Variants in ADAMTS16 observed in about 807,000 individuals in gnomAD.
ADAMTS16 encodes the protein ADAM metallopeptidase with thrombospondin type 1 motif 16.
A neutral mutation model predicts 145.8 loss-of-function variants in ADAMTS16; 94 were observed. The ratio of observed to expected loss-of-function variants is 0.64; its 90% CI spans 0.55 to 0.77. ADAMTS16 has a LOEUF of 0.77. ADAMTS16 is among the 30% of genes least tolerant of loss of function. The probability of loss-of-function intolerance (pLI) is 0.00; values close to 1 mark genes in which losing one functional copy is unlikely to be tolerated. For synonymous variants in ADAMTS16, 659 were observed against 604.3 expected (o/e 1.09, Z -1.33); for missense variants, 1,585 against 1,591.5 (o/e 1.00, Z 0.07).
rs1380790843 is a variant in ADAMTS16, at chr5:5,259,326, C to A, written c.2663-3331C>A. ...ACCACTCAGGCTTCTGCAGATTCCA[C>A]TTCTGCTCTCATCTCCAACACAAGG... On this transcript the variant is annotated intron_variant, in intron 17 of 22. Coordinates refer to ENST00000274181, the MANE Select transcript of ADAMTS16 (RefSeq NM_139056.4). 2.3e-4 allele frequency among the ~76,000 whole-genome samples: 35 copies of A among 152,212 alleles called. 1 individual carries two copies. The highest frequency in any genetic ancestry group is 2.3e-3 in the Admixed American group (35 of 15,292).
At position 5,270,461 on chromosome 5, in the gene ADAMTS16, G is replaced by C. The variant is rs1738424233; in HGVS notation, c.2789+7678G>C. Among the ~76,000 whole-genome samples, 6 of 152,284 alleles carry C rather than the reference G, an allele frequency of 3.9e-5. No individual in the cohort carries two copies. The South Asian group carries it at 8.3e-4, about 21-fold the overall frequency. On this transcript the variant is annotated intron_variant, in intron 18 of 22. Coordinates refer to ENST00000274181, the MANE Select transcript of ADAMTS16 (RefSeq NM_139056.4). ...CTCCTGTCTCCTAGGATAAGGTGAG[G>C]ATTCCACGTAAATGCTCTCAGGTGT...
At chr5:5,175,736 G>T (rs755343773) in intron 3 of ADAMTS16, among the ~76,000 whole-genome samples, 2 of 152,148 alleles carry the variant, frequency 1.3e-5, no homozygotes, top group African/African-American at 4.8e-5. Flanking sequence ...TAAATGTTCC[G>T]TCTGTGGGTG....
Position 5,239,888 on chromosome 5 carries a change from T to C in ADAMTS16, c.2486T>C (p.Ile829Thr). The C allele has an allele frequency of 6.2e-7, 1 of 1,614,116 alleles. No homozygotes were observed. The highest frequency in any genetic ancestry group is 1.3e-5 in the African/African-American group (1 of 75,010). Reference sequence around the variant, plus strand: ...TCCTATAATGAGCCCGAGAACTTAATCGCTACTGGACCAACCAACGAGACA... The same window carrying C: ...TCCTATAATGAGCCCGAGAACTTAACCGCTACTGGACCAACCAACGAGACA... ...RRSYNEPENL[I>T]ATGPTNETLI... Residue 829 changes from isoleucine (I) to threonine (T), a missense_variant, in exon 16 of 23, where the codon ATC becomes ACC. Physicochemically the swap from Ile to Thr is moderately conservative, Grantham distance 89 (BLOSUM62 -1). Coordinates refer to ENST00000274181, the MANE Select transcript of ADAMTS16 (RefSeq NM_139056.4).
At chr5:5,218,270 A>T (rs542005616) in intron 10 of ADAMTS16, among the ~76,000 whole-genome samples, 6 of 152,156 alleles carry the variant, frequency 3.9e-5, no homozygotes, top group Non-Finnish European at 8.8e-5. Flanking sequence ...ATGGTTGCAC[A>T]TATTTATGGG....
Position 5,182,131 on chromosome 5 carries a change from G to C in ADAMTS16, c.589G>C (p.Gly197Arg). The C allele has an allele frequency of 1.9e-6, 3 of 1,614,086 alleles. No individual in the cohort carries two copies. The highest frequency in any genetic ancestry group is 2.5e-6 in the Non-Finnish European group (3 of 1,180,016). The change falls in exon 4 of 23, where the codon GGC (glycine) becomes CGC (arginine). Residue 197 changes from glycine (G) to arginine (R), a missense_variant. By Grantham distance (125) the Gly-to-Arg change is moderately radical. This residue lies in a region of ADAMTS16 where 453 missense variants were observed against 412.1 expected (regional missense o/e 1.10). Coordinates refer to ENST00000274181, the MANE Select transcript of ADAMTS16 (RefSeq NM_139056.4). The part of the protein sequence containing the change: ...LSWKLGRAAQ[G>R]SSPSHVLYKR... ...ATGGAAACTCGGCAGAGCTGCCCAAGGCAGCTCGCCATCCCACGTACTGTA... is the reference window on the plus strand; with the variant it reads ...ATGGAAACTCGGCAGAGCTGCCCAACGCAGCTCGCCATCCCACGTACTGTA...
chr5:5,142,611 A>C (rs1216578001), intron 2 of ADAMTS16, among the ~76,000 whole-genome samples: 2 of 152,328 alleles, frequency 1.3e-5, no homozygotes, highest in Non-Finnish European at 2.9e-5. Context: ...TGCTGGGGTC[A>C]ACTTACTGTT....
At position 5,207,283 on chromosome 5, in the gene ADAMTS16, T is replaced by C. The variant is rs75332432; in HGVS notation, c.1452-1810T>C. 7.0e-3 allele frequency among the ~76,000 whole-genome samples: 1,073 copies of C among 152,336 alleles called. 14 individuals are homozygous for C. The highest frequency in any genetic ancestry group is 0.025 in the African/African-American group (1,040 of 41,572). ...ACATATTTTGCTACATTTATATCTG[T>C]TTCATTTTTGGTTGCTAATATAAAT... On this transcript the variant is annotated intron_variant, in intron 9 of 22. Coordinates refer to ENST00000274181, the MANE Select transcript of ADAMTS16 (RefSeq NM_139056.4).
chr5:5,252,564 G>C (rs919679604), intron 17 of ADAMTS16, among the ~76,000 whole-genome samples: 1 of 152,008 alleles, frequency 6.6e-6, no homozygotes, highest in East Asian at 1.9e-4. Context: ...TTAGCGGACC[G>C]CCCCCCTCAT....
Position 5,306,748 on chromosome 5 carries a change from C to G in ADAMTS16, c.3411+20C>G. On this transcript the variant is annotated intron_variant, in intron 21 of 22. Transcript: ENST00000274181. ...TCTCAGGTAGGGGAGGCCCTCGGTT[C>G]CTGGAGAGTGGGCGAGCACAGCTTG... is the stretch of plus-strand genomic sequence containing the variant. The G allele has an allele frequency of 6.3e-7, 1 of 1,578,218 alleles. No homozygotes were observed. The highest frequency in any genetic ancestry group is 8.6e-7 in the Non-Finnish European group (1 of 1,160,152).
At chr5:5,259,510 G>A (rs570048351) in intron 17 of ADAMTS16, among the ~76,000 whole-genome samples, 1 of 152,356 alleles carries the variant, frequency 6.6e-6, no homozygotes, top group South Asian at 2.1e-4. Context: ...CAGAAACACA[G>A]TATGTGGTTT....
intron 11 of ADAMTS16, among the ~76,000 whole-genome samples, chr5:5,227,745 T>G (rs1398945134): frequency 3.3e-5 from 5 of 152,228 alleles, no homozygotes; most frequent in African/African-American, 4.8e-5. Context: ...TTTTGGTGTT[T>G]CCTTTGCCAT....
intron 18 of ADAMTS16, among the ~76,000 whole-genome samples, chr5:5,276,500 CA>C (rs1169856219): frequency 2.0e-5 from 3 of 152,196 alleles, no homozygotes; most frequent in Admixed American, 6.5e-5. Context: ...GGAATTTATA[CA>C]AAGAGCGAAG....
chr5:5,143,976 T>C (rs1734230306), intron 2 of ADAMTS16, among the ~76,000 whole-genome samples: 2 of 144,154 alleles, frequency 1.4e-5, no homozygotes, highest in Non-Finnish European at 3.0e-5. Flanking sequence ...ACCGGGCTTG[T>C]TGGGGGGTGA....
intron 18 of ADAMTS16, among the ~76,000 whole-genome samples, chr5:5,291,998 A>T (rs1739340615): frequency 6.6e-6 from 1 of 152,230 alleles, no homozygotes; most frequent in Admixed American, 6.5e-5. Context: ...AGTTTCACAG[A>T]GGCATTGATG....
chr5:5,277,146 C>T (rs13178690), intron 18 of ADAMTS16, among the ~76,000 whole-genome samples: 94,568 of 152,142 alleles, frequency 0.62, 30,170 homozygotes, highest in Middle Eastern at 0.72. Flanking sequence ...CTCCCCCTTA[C>T]GCTGTCTCCC....
chr5:5,195,143 A>G (rs974763690), intron 8 of ADAMTS16, among the ~76,000 whole-genome samples: 1 of 151,926 alleles, frequency 6.6e-6, no homozygotes, highest in Non-Finnish European at 1.5e-5. Context: ...TTTGTGTTGG[A>G]AAGAGAGGAG....
chr5:5,163,478 A>G (rs1272191049), intron 3 of ADAMTS16, among the ~76,000 whole-genome samples: 1 of 152,216 alleles, frequency 6.6e-6, no homozygotes, highest in African/African-American at 2.4e-5. Flanking sequence ...CATATATACA[A>G]CTGGGGCTGG....
In ADAMTS16 at chr5:5,186,182, C is replaced by T. The variant is rs768862940; in HGVS notation, c.894C>T (p.Val298=). Reference sequence around the variant, plus strand: ...TGAACGTGGAGACCTTGGTGGTGGTCGACAAAAAGATGATGCAAAACCATG... The same window carrying T: ...TGAACGTGGAGACCTTGGTGGTGGTTGACAAAAAGATGATGCAAAACCATG... The part of the protein sequence containing the change: ...EELNVETLVV[V]DKKMMQNHGH... Residue 298 remains valine, a synonymous_variant, in exon 5 of 23, where the codon GTC becomes GTT. Coordinates refer to ENST00000274181, the MANE Select transcript of ADAMTS16 (RefSeq NM_139056.4). 30 of 1,613,712 alleles carry T rather than the reference C, an allele frequency of 1.9e-5. No individual in the cohort carries two copies. The highest frequency in any genetic ancestry group is 1.6e-4 in the Middle Eastern group (1 of 6,084).
At chr5:5,275,026 C>A (rs1197284011) in intron 18 of ADAMTS16, among the ~76,000 whole-genome samples, 1 of 152,188 alleles carries the variant, frequency 6.6e-6, no homozygotes, top group Non-Finnish European at 1.5e-5. Context: ...GAATAGATAG[C>A]TTGCATTACA....
Sources: gnomAD v4.1 joint callset for allele counts (sites outside exome capture counted in the v4.1 genomes callset) on GRCh38, gnomAD v4.1.1 for gene constraint, gnomAD v4.1.1 regional missense constraint, MANE v1.5 for transcripts, NCBI Gene and HGNC (gene_info 2026-07-23, HGNC 2026-07-21) for gene names.